BLTP3B: variants seen among roughly 807,000 people sequenced by gnomAD.
BLTP3B encodes the protein UHRF1 (ICBP90) binding protein 1-like.
the BLTP3B span, among the ~76,000 whole-genome samples, chr12:100,098,984 C>T: frequency 2.1e-5 from 3 of 144,700 alleles, no homozygotes; most frequent in South Asian, 2.2e-4. Context: ...ATAATTTGCA[C>T]GTCACCATTT....
the BLTP3B span, among the ~76,000 whole-genome samples, chr12:100,068,136 G>A: frequency 6.6e-6 from 1 of 152,180 alleles, no homozygotes; most frequent in African/African-American, 2.4e-5. Flanking sequence ...GCATGGTACT[G>A]TATAAAAATA....
At chr12:100,089,639 C>T in the BLTP3B span, among the ~76,000 whole-genome samples, 1 of 152,084 alleles carries the variant, frequency 6.6e-6, no homozygotes, top group African/African-American at 2.4e-5. Context: ...CCCAATATAT[C>T]TCAGTAAATA....
chr12:100,142,628 C>G, the BLTP3B span: 1 of 1,608,610 alleles, frequency 6.2e-7, no homozygotes, highest in South Asian at 1.1e-5. Context: ...CTTGATGATC[C>G]CGGCCATGGT....
At chr12:100,045,787 A>G in the BLTP3B span, among the ~76,000 whole-genome samples, 2 of 152,218 alleles carry the variant, frequency 1.3e-5, no homozygotes, top group Non-Finnish European at 2.9e-5. Context: ...CAGAGTGAAC[A>G]GGCAACCTAC....
the BLTP3B span, chr12:100,142,838 G>A: frequency 8.9e-6 from 6 of 674,938 alleles, no homozygotes; most frequent in Non-Finnish European, 1.4e-5. Context: ...CGGCCGCCGC[G>A]GGCGCCATCT....
the BLTP3B span, chr12:100,098,666 C>G: frequency 1.0e-6 from 1 of 973,564 alleles, no homozygotes; most frequent in Non-Finnish European, 1.4e-6. Context: ...CTTTGGGAGG[C>G]TGAGGCAGGC....
the BLTP3B span, among the ~76,000 whole-genome samples, chr12:100,101,886 C>T: frequency 6.6e-6 from 1 of 152,222 alleles, no homozygotes; most frequent in East Asian, 1.9e-4. Flanking sequence ...TCACTGCAGC[C>T]TTGACCTCCC....
chr12:100,045,198 C>T, the BLTP3B span, among the ~76,000 whole-genome samples: 2 of 152,280 alleles, frequency 1.3e-5, no homozygotes, highest in African/African-American at 2.4e-5. Flanking sequence ...AGATTCAATG[C>T]TATCCCCATC....
the BLTP3B span, among the ~76,000 whole-genome samples, chr12:100,100,021 G>C: frequency 3.8e-4 from 57 of 151,842 alleles, no homozygotes; most frequent in East Asian, 8.9e-3. Flanking sequence ...TCTCAGCCAG[G>C]CATGGTGACA....
the BLTP3B span, among the ~76,000 whole-genome samples, chr12:100,087,158 CAAAAAAAA>C: frequency 1.5e-4 from 9 of 59,892 alleles, no homozygotes; most frequent in African/African-American, 5.0e-4. Flanking sequence ...GACTCCATCT[CAAAAAAAA>C]AAAAAAAAAA....
At chr12:100,089,545 G>A in the BLTP3B span, among the ~76,000 whole-genome samples, 2 of 152,084 alleles carry the variant, frequency 1.3e-5, no homozygotes, top group Admixed American at 1.3e-4. Flanking sequence ...GGGTAACAGA[G>A]CGAGACTCCA....
chr12:100,124,420 A>C, the BLTP3B span, among the ~76,000 whole-genome samples: 1 of 151,916 alleles, frequency 6.6e-6, no homozygotes, highest in South Asian at 2.1e-4. Context: ...CCTGGGCAAC[A>C]CAGAGATCCT....
chr12:100,120,925 T>C, the BLTP3B span, among the ~76,000 whole-genome samples: 2 of 152,192 alleles, frequency 1.3e-5, no homozygotes, highest in African/African-American at 4.8e-5. Flanking sequence ...AACGGATAAA[T>C]TGTGGTATAT....
the BLTP3B span, among the ~76,000 whole-genome samples, chr12:100,065,304 A>G: frequency 3.4e-5 from 5 of 146,866 alleles, no homozygotes; most frequent in Admixed American, 2.0e-4. Flanking sequence ...GTGCACCTTG[A>G]AAAAAAAAAA....
At chr12:100,087,285 T>A in the BLTP3B span, among the ~76,000 whole-genome samples, 1 of 150,128 alleles carries the variant, frequency 6.7e-6, no homozygotes, top group Admixed American at 6.6e-5. Flanking sequence ...AACATAAAAA[T>A]CAAATTTTAA....
At chr12:100,110,640 CT>C in the BLTP3B span, among the ~76,000 whole-genome samples, 1 of 152,006 alleles carries the variant, frequency 6.6e-6, no homozygotes, top group Non-Finnish European at 1.5e-5. Context: ...AGCAGGAGTT[CT>C]AATCCAGAGC....
the BLTP3B span, among the ~76,000 whole-genome samples, chr12:100,043,826 T>C: frequency 6.6e-6 from 1 of 152,208 alleles, no homozygotes; most frequent in South Asian, 2.1e-4. Context: ...AATGCCCATA[T>C]TATTCATGCT....
the BLTP3B span, chr12:100,050,214 T>TTG: frequency 6.3e-7 from 1 of 1,597,474 alleles, no homozygotes; most frequent in East Asian, 2.2e-5. Flanking sequence ...TATTGCCTAA[T>TTG]TGGTCTGGTG....
the BLTP3B span, among the ~76,000 whole-genome samples, chr12:100,094,958 G>A: frequency 6.6e-5 from 10 of 152,116 alleles, no homozygotes; most frequent in Non-Finnish European, 1.2e-4. Context: ...AAATAGCTTC[G>A]TAGGTGTATA....
Sources: allele counts gnomAD v4.1 joint callset (sites outside exome capture counted in the v4.1 genomes callset), GRCh38; gene constraint gnomAD v4.1.1; transcripts MANE v1.5; gene names NCBI Gene and HGNC (gene_info 2026-07-23, HGNC 2026-07-21).